Variants in PDE4D observed in about 807,000 individuals in gnomAD.
PDE4D encodes phosphodiesterase 4D, also known as 3',5'-cyclic-AMP phosphodiesterase 4D.
Under a neutral mutation model 87.4 loss-of-function variants are expected in PDE4D, and 24 were observed. That is an observed-to-expected ratio of 0.27 (90% CI 0.20 to 0.39). The LOEUF (loss-of-function observed/expected upper bound fraction) is 0.39. PDE4D is among the 10% of genes least tolerant of loss of function. The pLI is 1.00. For synonymous variants in PDE4D, 384 were observed against 383.2 expected, an observed-to-expected ratio of 1.00 and a Z score of -0.02; for missense variants, 714 against 1,041.0, an observed-to-expected ratio of 0.69 and a Z score of 4.32.
At chr5:59,712,393 CATATATATATATAT>C (rs5868190) in intron 1 of PDE4D, among the ~76,000 whole-genome samples, 2,519 of 122,592 alleles carry the variant, frequency 0.021, 98 homozygotes, top group African/African-American at 0.074. Context: ...TAATATTATT[CATATATATATATAT>C]ATATATATAT....
chr5:59,105,067 A>G (rs1266259604), intron 5 of PDE4D, among the ~76,000 whole-genome samples: 3 of 152,192 alleles, frequency 2.0e-5, no homozygotes, highest in Admixed American at 1.3e-4. Flanking sequence ...CATCCCTCAC[A>G]TGTGGAACTG....
chr5:59,670,898 G>A (rs569411893), intron 1 of PDE4D, among the ~76,000 whole-genome samples: 35 of 151,998 alleles, frequency 2.3e-4, no homozygotes, highest in Non-Finnish European at 4.4e-4. Context: ...TTGAACTCTG[G>A]GTTCAAATGA....
At chr5:60,268,708 C>T (rs1342494995) in intron 1 of PDE4D, among the ~76,000 whole-genome samples, 1 of 152,160 alleles carries the variant, frequency 6.6e-6, no homozygotes, top group Non-Finnish European at 1.5e-5. Flanking sequence ...TGATCTGAGG[C>T]CCAAAATCCT....
At chr5:60,293,749 C>T (rs961064600) in intron 1 of PDE4D, among the ~76,000 whole-genome samples, 17 of 152,126 alleles carry the variant, frequency 1.1e-4, no homozygotes. Flanking sequence ...GAGAGTCACT[C>T]ATTTTGTTGC....
chr5:60,114,532 G>C (rs1278828691), intron 2 of PDE4D, among the ~76,000 whole-genome samples: 2 of 152,070 alleles, frequency 1.3e-5, no homozygotes, highest in Non-Finnish European at 2.9e-5. Flanking sequence ...TGGAGGTCAA[G>C]ACATTATGAT....
intron 1 of PDE4D, among the ~76,000 whole-genome samples, chr5:60,380,611 T>A (rs1274287831): frequency 6.6e-6 from 1 of 152,204 alleles, no homozygotes; most frequent in Admixed American, 6.5e-5. Context: ...CATCAAGAAA[T>A]AACTCTCTTG....
chr5:59,187,569 T>C (rs772955846), intron 3 of PDE4D, among the ~76,000 whole-genome samples: 1 of 152,212 alleles, frequency 6.6e-6, no homozygotes, highest in African/African-American at 2.4e-5. Flanking sequence ...CTTATATATA[T>C]GAAATACTTC....
chr5:60,392,970 A>C (rs1021133991), intron 1 of PDE4D, among the ~76,000 whole-genome samples: 1 of 152,194 alleles, frequency 6.6e-6, no homozygotes, highest in Non-Finnish European at 1.5e-5. Flanking sequence ...TCTTCCCCTA[A>C]GGAAGGTGTA....
intron 2 of PDE4D, among the ~76,000 whole-genome samples, chr5:60,098,778 G>A (rs1775950679): frequency 1.3e-5 from 2 of 151,956 alleles, no homozygotes; most frequent in African/African-American, 4.8e-5. Context: ...CTTGCCTAGT[G>A]GCCCTGGCTA....
At chr5:58,979,381 A>T (rs1008683896) in intron 11 of PDE4D, among the ~76,000 whole-genome samples, 6 of 152,144 alleles carry the variant, frequency 3.9e-5, no homozygotes, top group African/African-American at 1.4e-4. Flanking sequence ...CTGTTACAGG[A>T]AAGTGGTGGT....
chr5:60,197,091 A>AGAT (rs1741354679), intron 1 of PDE4D, among the ~76,000 whole-genome samples: 2 of 145,992 alleles, frequency 1.4e-5, no homozygotes, highest in African/African-American at 5.3e-5. Context: ...ATAGATAGAT[A>AGAT]GATAGATAGA....
chr5:59,693,669 A>G (rs963735858), intron 1 of PDE4D, among the ~76,000 whole-genome samples: 1 of 152,196 alleles, frequency 6.6e-6, no homozygotes, highest in Non-Finnish European at 1.5e-5. Context: ...GGATCCAAGG[A>G]GCAAAGTTAT....
chr5:60,340,347 A>G (rs56341652), intron 1 of PDE4D, among the ~76,000 whole-genome samples: 33,106 of 151,844 alleles, frequency 0.22, 3,906 homozygotes, highest in South Asian at 0.39. Flanking sequence ...AAGGGATTAC[A>G]TTTGTGGAGT....
chr5:60,260,124 C>A lies in PDE4D; in HGVS notation c.-89-74437G>T, dbSNP rs1204712840. On this transcript the variant is annotated intron_variant, in intron 1 of 16. Coordinates refer to the PDE4D transcript ENST00000502484. ...TCTTTGCCTCCCCATCCCCTCCCAA[C>A]CACCACCACCTATTTTTAAATGGGA... 3.3e-5 allele frequency among the ~76,000 whole-genome samples: 5 copies of A among 151,934 alleles called. No individual in the cohort carries two copies. In the East Asian group the frequency reaches 9.7e-4, roughly 29 times the overall value.
chr5:59,145,559 A>AT (rs369082171), intron 5 of PDE4D, among the ~76,000 whole-genome samples: 2 of 152,358 alleles, frequency 1.3e-5, no homozygotes, highest in African/African-American at 4.8e-5. Context: ...CCTAGAATGA[A>AT]TGTGCAGATC....
At chr5:59,519,353 G>A (rs1811770147) in intron 1 of PDE4D, among the ~76,000 whole-genome samples, 1 of 152,164 alleles carries the variant, frequency 6.6e-6, no homozygotes, top group South Asian at 2.1e-4. Flanking sequence ...ACGTCAAGGT[G>A]GAAGAAAAAG....
At chr5:59,374,699 C>A (rs948612639) in intron 1 of PDE4D, among the ~76,000 whole-genome samples, 2 of 152,118 alleles carry the variant, frequency 1.3e-5, no homozygotes, top group Non-Finnish European at 2.9e-5. Context: ...CAGAAGTCTC[C>A]ACCCCAAAAC....
At chr5:59,862,245 C>T (rs538933973) in intron 1 of PDE4D, among the ~76,000 whole-genome samples, 35 of 152,146 alleles carry the variant, frequency 2.3e-4, no homozygotes, top group Non-Finnish European at 4.1e-4. Context: ...CCAGCTAACA[C>T]ATTTTAAGTT....
At chr5:59,952,770 T>A (rs1758432139) in intron 3 of PDE4D, among the ~76,000 whole-genome samples, 1 of 152,196 alleles carries the variant, frequency 6.6e-6, no homozygotes, top group South Asian at 2.1e-4. Flanking sequence ...CTCATGGAGA[T>A]GAACTGAAGT....
Sources: gnomAD v4.1 joint callset for allele counts (sites outside exome capture counted in the v4.1 genomes callset) on GRCh38, gnomAD v4.1.1 for gene constraint, MANE v1.5 for transcripts, NCBI Gene and HGNC (gene_info 2026-07-23, HGNC 2026-07-21) for gene names.